The following GSK3B variants were observed in gnomAD, a reference collection of about 807,000 sequenced individuals.
GSK3B encodes the protein glycogen synthase kinase 3 beta.
In GSK3B, 15 loss-of-function variants were observed where a neutral mutation model predicts 56.4. That is an observed-to-expected ratio of 0.27 (90% CI 0.18 to 0.41). GSK3B has a LOEUF of 0.41. Among genes scored for constraint, GSK3B ranks in the 10% least tolerant of loss-of-function variants. The pLI is 1.00. For synonymous variants in GSK3B, 181 were observed against 188.9 expected (o/e 0.96, Z 0.34); for missense variants, 300 against 513.4 (o/e 0.58, Z 4.02).
chr3:120,033,322 T>A (rs1351475656), intron 1 of GSK3B, among the ~76,000 whole-genome samples: 1 of 152,224 alleles, frequency 6.6e-6, no homozygotes, highest in Non-Finnish European at 1.5e-5. Context: ...TATATGAACA[T>A]ATGGGTATAT....
intron 1 of GSK3B, among the ~76,000 whole-genome samples, chr3:120,068,954 T>C (rs2058304056): frequency 6.6e-6 from 1 of 151,712 alleles, no homozygotes; most frequent in East Asian, 1.9e-4. Context: ...AAAAGTTTAA[T>C]AAAAATTACT....
intron 2 of GSK3B, among the ~76,000 whole-genome samples, chr3:119,960,588 A>C (rs1293447651): frequency 6.6e-6 from 1 of 152,216 alleles, no homozygotes; most frequent in Admixed American, 6.5e-5. Flanking sequence ...AGTTTTACCC[A>C]TGTGGGATTT....
rs551622902 is a variant in GSK3B, at chr3:119,903,240, T to C, written c.813+2515A>G. 5.9e-5 allele frequency among the ~76,000 whole-genome samples: 9 copies of C among 152,250 alleles called. No homozygotes were observed. In the South Asian group the frequency reaches 6.2e-4, roughly 11 times the overall value. On this transcript the variant is annotated intron_variant, in intron 7 of 10. Coordinates refer to ENST00000264235, the MANE Select transcript of GSK3B (RefSeq NM_001146156.2). Reference sequence around the variant, plus strand: ...TCCTGGGCAGCCACGGTCAAGAACATAGAAGGCACCTAGAAACCAGATATC... The same window carrying C: ...TCCTGGGCAGCCACGGTCAAGAACACAGAAGGCACCTAGAAACCAGATATC...
intron 1 of GSK3B, among the ~76,000 whole-genome samples, chr3:120,038,722 G>A (rs1219597752): frequency 6.6e-6 from 1 of 151,668 alleles, no homozygotes; most frequent in Non-Finnish European, 1.5e-5. Flanking sequence ...AAAGTAAAAT[G>A]CAAAGCTATA....
intron 3 of GSK3B, among the ~76,000 whole-genome samples, chr3:119,937,983 C>G (rs2057012444): frequency 6.6e-6 from 1 of 150,586 alleles, no homozygotes; most frequent in Non-Finnish European, 1.5e-5. Flanking sequence ...AAACAGCATA[C>G]TACAAATAAT....
chr3:119,933,696 G>C (rs2056968213), intron 3 of GSK3B, among the ~76,000 whole-genome samples: 1 of 151,948 alleles, frequency 6.6e-6, no homozygotes, highest in African/African-American at 2.4e-5. Flanking sequence ...GGCCAACATG[G>C]TGAAACCCCG....
intron 2 of GSK3B, among the ~76,000 whole-genome samples, chr3:119,954,315 G>GAATAGAATAGAAAAGA (rs879721657): frequency 1.0e-4 from 13 of 128,900 alleles, no homozygotes; most frequent in Admixed American, 3.1e-4. Flanking sequence ...AAAAGAAACA[G>GAATAGAATAGAAAAGA]AACAGAACAG....
chr3:119,869,032 A>AT (rs1486472157), intron 8 of GSK3B, among the ~76,000 whole-genome samples: 1 of 151,914 alleles, frequency 6.6e-6, no homozygotes, highest in East Asian at 1.9e-4. Context: ...AGTCTATACT[A>AT]TTTTTTAAAA....
intron 6 of GSK3B, among the ~76,000 whole-genome samples, chr3:119,908,829 G>A (rs1037252624): frequency 6.6e-6 from 1 of 152,110 alleles, no homozygotes. Context: ...TTGTACTGAG[G>A]GTACAAAGGA....
chr3:119,943,671 G>C (rs150911164), intron 3 of GSK3B, among the ~76,000 whole-genome samples: 237 of 152,228 alleles, frequency 1.6e-3, no homozygotes, highest in Middle Eastern at 3.4e-3. Flanking sequence ...CAGAAAGAGA[G>C]TGGGATGGGT....
intron 2 of GSK3B, among the ~76,000 whole-genome samples, chr3:119,956,501 T>C (rs967844696): frequency 2.6e-5 from 4 of 152,232 alleles, no homozygotes; most frequent in Admixed American, 2.6e-4. Flanking sequence ...AAATTCAAAA[T>C]GCTCCAATGA....
In GSK3B at chr3:119,949,097, A is replaced by G. The variant is rs769607238; in HGVS notation, c.283-1746T>C. 2.5e-4 allele frequency among the ~76,000 whole-genome samples: 38 copies of G among 152,202 alleles called. 1 individual carries two copies. The highest frequency in any genetic ancestry group is 8.8e-5 in the Non-Finnish European group (6 of 68,030). On this transcript the variant is annotated intron_variant, in intron 2 of 10. Transcript: ENST00000264235. ...CCTCTCATAACATACAGCTATTAAG[A>G]CTGATTTTTTTAACATAGCCAACTA...
chr3:119,919,249 T>C (rs192821460), intron 4 of GSK3B, among the ~76,000 whole-genome samples: 213 of 152,314 alleles, frequency 1.4e-3, no homozygotes, highest in Non-Finnish European at 2.7e-3. Context: ...TGGTAACATG[T>C]ATGCCAAACA....
chr3:120,003,338 T>G (rs917675927), intron 1 of GSK3B, among the ~76,000 whole-genome samples: 1 of 152,238 alleles, frequency 6.6e-6, no homozygotes, highest in African/African-American at 2.4e-5. Flanking sequence ...TCTTAATCGA[T>G]TCTGTGTATT....
intron 1 of GSK3B, among the ~76,000 whole-genome samples, chr3:120,022,693 T>C (rs997347559): frequency 2.6e-5 from 4 of 152,274 alleles, no homozygotes; most frequent in South Asian, 2.1e-4. Flanking sequence ...TCAGATTAAG[T>C]GGGTCAATTC....
intron 9 of GSK3B, among the ~76,000 whole-genome samples, chr3:119,857,155 T>C (rs1483994564): frequency 6.6e-6 from 1 of 152,208 alleles, no homozygotes. Flanking sequence ...TACCTTTATG[T>C]CGATGGCTGC....
In GSK3B at chr3:119,826,504, G is replaced by T. The variant is rs1577296523; in HGVS notation, c.*284C>A. ...AGCAGACTTTTAATAAAAAAAGATT[G>T]TCGTGGGAGAGAGATTGTATGTTCT... On this transcript the variant is annotated 3_prime_UTR_variant, in exon 11 of 11. Coordinates refer to ENST00000264235, the MANE Select transcript of GSK3B (RefSeq NM_001146156.2). 3.0e-5 allele frequency: 16 copies of T among 541,986 alleles called. No homozygotes were observed. In the East Asian group the frequency reaches 4.8e-4, roughly 16 times the overall value. The allele number at this position is 541,986 out of a possible 1,614,324, so 33.6% of individuals were successfully genotyped here.
chr3:119,891,074 A>G (rs189218107), intron 7 of GSK3B, among the ~76,000 whole-genome samples: 2 of 152,150 alleles, frequency 1.3e-5, no homozygotes, highest in Non-Finnish European at 2.9e-5. Context: ...ATAGTATAGC[A>G]AAGTAAGTAT....
At chr3:120,014,431 G>T (rs1212371570) in intron 1 of GSK3B, among the ~76,000 whole-genome samples, 2 of 152,074 alleles carry the variant, frequency 1.3e-5, no homozygotes, top group Non-Finnish European at 2.9e-5. Flanking sequence ...ATTCAAAAAT[G>T]AACTTATTCT....
Sources: gnomAD v4.1 joint callset for allele counts (sites outside exome capture counted in the v4.1 genomes callset) on GRCh38, gnomAD v4.1.1 for gene constraint, MANE v1.5 for transcripts, NCBI Gene and HGNC (gene_info 2026-07-23, HGNC 2026-07-21) for gene names.